IKZF2: variants seen among roughly 807,000 people sequenced by gnomAD.
IKZF2 encodes IKAROS family zinc finger 2, also known as zinc finger protein Helios.
IKZF2 carries 15 observed loss-of-function variants against 49.2 expected under a neutral mutation model. The ratio of observed to expected loss-of-function variants is 0.30; its 90% CI spans 0.20 to 0.47. The LOEUF (loss-of-function observed/expected upper bound fraction) is 0.47. IKZF2 is among the 20% of genes least tolerant of loss of function. The pLI is 1.00. For missense variants in IKZF2, 567 were observed against 664.6 expected (o/e 0.85, Z 1.61); for synonymous variants, 227 against 221.4 (o/e 1.03, Z -0.23).
intron 4 of IKZF2, among the ~76,000 whole-genome samples, chr2:213,061,817 G>A (rs917722269): frequency 6.6e-6 from 1 of 151,358 alleles, no homozygotes; most frequent in African/African-American, 2.4e-5. Flanking sequence ...CCATAAAAGA[G>A]TTCATGAGTT....
chr2:213,106,480 A>G (rs1026880366), intron 4 of IKZF2, among the ~76,000 whole-genome samples: 3 of 151,894 alleles, frequency 2.0e-5, no homozygotes, highest in African/African-American at 4.8e-5. Context: ...ATCTAGAGAG[A>G]TATTAGCCAG....
intron 4 of IKZF2, among the ~76,000 whole-genome samples, chr2:213,120,062 C>A (rs1389715576): frequency 6.6e-6 from 1 of 152,200 alleles, no homozygotes; most frequent in Non-Finnish European, 1.5e-5. Flanking sequence ...TACTCCCATC[C>A]ACTTCATGAA....
In IKZF2 at chr2:213,047,855, G is replaced by T. The variant is rs561425585; in HGVS notation, c.574+1858C>A. ...GAAAGACAGGACCACCGAAGACTCA[G>T]AACCTATAAAATTTTAGTCACCTAT... On this transcript the variant is annotated intron_variant, in intron 6 of 8. Coordinates refer to ENST00000434687, the MANE Select transcript of IKZF2 (RefSeq NM_001387220.1). Among the ~76,000 whole-genome samples, 25 of 152,126 alleles carry T rather than the reference G, an allele frequency of 1.6e-4. No individual in the cohort carries two copies. In the South Asian group the frequency reaches 5.0e-3, roughly 30 times the overall value.
intron 6 of IKZF2, among the ~76,000 whole-genome samples, chr2:213,028,524 G>A (rs1358603070): frequency 1.3e-5 from 2 of 151,998 alleles, no homozygotes; most frequent in Non-Finnish European, 2.9e-5. Flanking sequence ...TGCATTTATT[G>A]AAGTCTTTAA....
rs925303880 is a variant in IKZF2, at chr2:213,003,486, C to G, written c.*3874G>C. The G allele has an allele frequency of 2.0e-5, 3 of 151,460 alleles. No individual in the cohort carries two copies. Among genetic ancestry groups the G allele is most frequent in the Non-Finnish European group, 4.4e-5 (3 of 67,654 alleles). 9.4% of individuals were successfully genotyped at this position (151,460 alleles called of 1,614,324 possible). ...TAATTTATCCATTTTTGGACGTGAA[C>G]AATCCAAAGTTAAAAAACAAATCAT... On this transcript the variant is annotated 3_prime_UTR_variant, in exon 9 of 9. Transcript: ENST00000434687.
In IKZF2 at chr2:213,030,183, T is replaced by A. The variant is rs140283072; in HGVS notation, c.575-8053A>T. On this transcript the variant is annotated intron_variant, in intron 6 of 8. Coordinates refer to ENST00000434687, the MANE Select transcript of IKZF2 (RefSeq NM_001387220.1). ...TTCTTGTGGTCAAAATTGTTGGTAGTTTCCCACGTTGTGATTTCTTTACTG... is the reference window on the plus strand; with the variant it reads ...TTCTTGTGGTCAAAATTGTTGGTAGATTCCCACGTTGTGATTTCTTTACTG... 3.4e-4 allele frequency among the ~76,000 whole-genome samples: 52 copies of A among 152,292 alleles called. 2 individuals are homozygous for A. The East Asian group carries it at 0.01, about 29-fold the overall frequency.
intron 5 of IKZF2, 83 bp from the exon 6 acceptor site, chr2:213,049,963 G>C (rs944875547): frequency 8.2e-5 from 78 of 956,246 alleles, no homozygotes; most frequent in Non-Finnish European, 1.1e-4. Flanking sequence ...ACCAAAGCCA[G>C]TTCTCTATGC....
chr2:213,142,207 T>C (rs962220418), intron 4 of IKZF2, among the ~76,000 whole-genome samples: 2 of 151,916 alleles, frequency 1.3e-5, no homozygotes, highest in Non-Finnish European at 2.9e-5. Flanking sequence ...AAAACTATAC[T>C]CAGGAATGTT....
intron 5 of IKZF2, among the ~76,000 whole-genome samples, chr2:213,052,726 C>T (rs1700789262): frequency 6.6e-6 from 1 of 151,814 alleles, no homozygotes; most frequent in Non-Finnish European, 1.5e-5. Flanking sequence ...AAGTAATATC[C>T]ATATCTGTCT....
At chr2:213,036,392 C>A (rs945032274) in intron 6 of IKZF2, among the ~76,000 whole-genome samples, 1 of 152,118 alleles carries the variant, frequency 6.6e-6, no homozygotes, top group Non-Finnish European at 1.5e-5. Flanking sequence ...AAAATAAGAA[C>A]TTATTAAATA....
At chr2:213,129,994 A>T (rs554419326) in intron 4 of IKZF2, among the ~76,000 whole-genome samples, 6 of 152,358 alleles carry the variant, frequency 3.9e-5, no homozygotes, top group Admixed American at 3.3e-4. Context: ...GGACCTGTAC[A>T]TAAAGATATA....
At chr2:213,130,087 T>C (rs2060425113) in intron 4 of IKZF2, among the ~76,000 whole-genome samples, 1 of 152,226 alleles carries the variant, frequency 6.6e-6, no homozygotes, top group East Asian at 1.9e-4. Context: ...ACACTTCTAA[T>C]GAAGGCACAC....
At chr2:213,148,527 G>T in intron 3 of IKZF2, 69 bp downstream of exon 3, 1 of 1,024,048 alleles carries the variant, frequency 9.8e-7, no homozygotes, top group Non-Finnish European at 1.5e-6. Context: ...CATAATCCAG[G>T]AATTAAAACA....
rs201792102 is a variant in IKZF2, at chr2:213,148,667, C to G, written c.-15-23G>C. 1.4e-5 allele frequency: 22 copies of G among 1,588,692 alleles called. No homozygotes were observed. The African/African-American group carries it at 2.8e-4, about 20-fold the overall frequency. On this transcript the variant is annotated intron_variant, in intron 2 of 8. Coordinates refer to ENST00000434687, the MANE Select transcript of IKZF2 (RefSeq NM_001387220.1). ...ATGCTGCAAAACAAAAGATTATACC[C>G]TTAATACAATGATTCCTTTCAGTAT...
chr2:213,084,089 C>T (rs555120521), intron 4 of IKZF2, among the ~76,000 whole-genome samples: 7 of 152,246 alleles, frequency 4.6e-5, no homozygotes, highest in African/African-American at 1.4e-4. Flanking sequence ...AATACCCAAA[C>T]TGACACTTGT....
At chr2:213,128,069 G>A (rs1305830776) in intron 4 of IKZF2, among the ~76,000 whole-genome samples, 2 of 152,094 alleles carry the variant, frequency 1.3e-5, no homozygotes, top group African/African-American at 4.8e-5. Flanking sequence ...TGAAATGTGA[G>A]GATGCAAACT....
intron 4 of IKZF2, among the ~76,000 whole-genome samples, chr2:213,114,876 C>T (rs962998933): frequency 7.6e-4 from 115 of 151,794 alleles, no homozygotes; most frequent in African/African-American, 2.7e-3. Flanking sequence ...CTGTAGTGAG[C>T]CCAGATGGTG....
At chr2:213,058,881 CTA>C (rs1701422278) in intron 4 of IKZF2, among the ~76,000 whole-genome samples, 2 of 151,952 alleles carry the variant, frequency 1.3e-5, no homozygotes, top group Admixed American at 6.6e-5. Flanking sequence ...ACCAAGCTCA[CTA>C]TCTTTCAGGC....
chr2:213,033,634 ATT>A, intron 6 of IKZF2, among the ~76,000 whole-genome samples: 1 of 150,058 alleles, frequency 6.7e-6, no homozygotes, highest in East Asian at 2.0e-4. Context: ...TTTGAAAGGA[ATT>A]TTTGTTTCTG....
Sources: allele counts gnomAD v4.1 joint callset (sites outside exome capture counted in the v4.1 genomes callset), GRCh38; gene constraint gnomAD v4.1.1; transcripts MANE v1.5; gene names NCBI Gene and HGNC (gene_info 2026-07-23, HGNC 2026-07-21).